The following FKBP4 variants were observed in gnomAD, a reference collection of about 807,000 sequenced individuals.
FKBP4 encodes peptidyl-prolyl cis-trans isomerase FKBP4.
Under a neutral mutation model 54.1 loss-of-function variants are expected in FKBP4, and 28 were observed. The ratio of observed to expected loss-of-function variants is 0.52; its 90% CI spans 0.38 to 0.71. The LOEUF (loss-of-function observed/expected upper bound fraction) is 0.71. Ranked by LOEUF, FKBP4 falls within the 30% of genes least tolerant of loss-of-function variation. The pLI, the probability that FKBP4 is intolerant of heterozygous loss-of-function variation, is 0.00. For synonymous variants in FKBP4, 223 were observed against 216.1 expected (o/e 1.03, Z -0.28); for missense variants, 493 against 574.4 (o/e 0.86, Z 1.45).
At chr12:2,802,561 T>A (rs991308750) in intron 9 of FKBP4, among the ~76,000 whole-genome samples, 2 of 152,216 alleles carry the variant, frequency 1.3e-5, no homozygotes, top group Admixed American at 1.3e-4. Flanking sequence ...TTAGTTGCAT[T>A]TGTGTATTTT....
chr12:2,801,157 G>A lies in FKBP4; in HGVS notation c.1073G>A (p.Arg358His), dbSNP rs2097904531. The A allele has an allele frequency of 1.9e-6, 3 of 1,613,596 alleles. No individual in the cohort carries two copies. Among genetic ancestry groups the A allele is most frequent in the Non-Finnish European group, 8.5e-7 (1 of 1,179,898 alleles). The change falls in exon 9 of 10, where the codon CGC (arginine) becomes CAC (histidine). Residue 358 changes from arginine to histidine, a missense_variant. Transcript: ENST00000001008. ...AGCAACAACGAGAAGGGCCTCTTCC[G>A]CCGGGGAGAGGCCCACCTGGCCGTG... ...LDSNNEKGLF[R>H]RGEAHLAVND...
intron 9 of FKBP4, chr12:2,801,780 G>A: frequency 2.9e-6 from 1 of 342,856 alleles, no homozygotes; most frequent in Non-Finnish European, 5.8e-6. Flanking sequence ...GATGCTTTTT[G>A]TGTGTGATTA....
rs752385363 is a variant in FKBP4, at chr12:2,800,584, C to T, written c.1032+7C>T. 6.2e-7 allele frequency: 1 copy of T among 1,601,060 alleles called. No individual in the cohort carries two copies. The highest frequency in any genetic ancestry group is 1.7e-4 in the Middle Eastern group (1 of 5,972). On this transcript the variant is annotated splice_region_variant and intron_variant, in intron 8 of 9. Transcript: ENST00000001008. ...CATTGAAAGCTGTAACAAGGTGAGG[C>T]CCCCTCAGAGGTCATGGAAGCAGCA...
chr12:2,804,524 T>C lies in FKBP4; in HGVS notation c.*1266T>C, dbSNP rs1040221463. ...GCTTTGACCCTTAACTCCTATGGCA[T>C]GATGGGGCCCTGGGAGAAGCCAGGC... On this transcript the variant is annotated 3_prime_UTR_variant, in exon 10 of 10. Transcript: ENST00000001008. 1 of 152,240 alleles carries C rather than the reference T, an allele frequency of 6.6e-6. No individual in the cohort carries two copies. Among genetic ancestry groups the C allele is most frequent in the African/African-American group, 2.4e-5 (1 of 41,458 alleles). 9.4% of individuals were successfully genotyped at this position (152,240 alleles called of 1,614,324 possible).
At chr12:2,797,337 C>G (rs1316699435) in intron 2 of FKBP4, 55 bp downstream of exon 2, 32 of 1,599,572 alleles carry the variant, frequency 2.0e-5, no homozygotes, top group Non-Finnish European at 2.6e-5. Context: ...CAAGCTGTCA[C>G]AAGCAGAAAC....
Position 2,795,346 on chromosome 12 carries a change from C to G in FKBP4, c.105+102C>G. On this transcript the variant is annotated intron_variant, in intron 1 of 9. Transcript: ENST00000001008. This position sits in a 1 kb window ranked among gnomAD's most constrained non-coding sequence, Gnocchi z 4.3. ...GCGGCCGGGCACGGGTCGAGGCGGCCGCCTTTGCAGCCTCGCGGCCGTCCC... is the reference window on the plus strand; with the variant it reads ...GCGGCCGGGCACGGGTCGAGGCGGCGGCCTTTGCAGCCTCGCGGCCGTCCC... 1 of 430,348 alleles carries G rather than the reference C, an allele frequency of 2.3e-6. No homozygotes were observed. Among genetic ancestry groups the G allele is most frequent in the Non-Finnish European group, 3.3e-6 (1 of 304,174 alleles). The allele number at this position is 430,348 out of a possible 1,614,324, so 26.7% of individuals were successfully genotyped here. A position where few individuals can be genotyped will look rare whatever the true frequency, so the allele number is the denominator to read the frequency against.
chr12:2,796,393 A>G, intron 1 of FKBP4: 2 of 1,288,780 alleles, frequency 1.6e-6, no homozygotes, highest in Non-Finnish European at 2.0e-6. Flanking sequence ...CCTTTGATCC[A>G]TCATTCCTTC....
rs147640045 is a variant in FKBP4, at chr12:2,799,092, A to C, written c.519A>C (p.Ala173=). 9.0e-5 allele frequency: 138 copies of C among 1,533,234 alleles called. No homozygotes were observed. Among genetic ancestry groups the C allele is most frequent in the Non-Finnish European group, 2.4e-5 (27 of 1,142,530 alleles). 95.0% of individuals were successfully genotyped at this position (1,533,234 alleles called of 1,614,324 possible). A position where few individuals can be genotyped will look rare whatever the true frequency, so the allele number is the denominator to read the frequency against. The change falls in exon 5 of 10, where the codon GCA becomes GCC. Residue 173 remains alanine, a synonymous_variant. Transcript: ENST00000001008. ...KPNEGAIVEV[A]LEGYYKDKLF... ...ACTGCCTCTCTTTCATGCCAGTTGC[A>C]CTGGAAGGGTACTACAAGGACAAGC...
At chr12:2,799,995 T>G (rs767761835) in intron 6 of FKBP4, 44 bp from the exon 7 acceptor site, 1 of 1,613,630 alleles carries the variant, frequency 6.2e-7, no homozygotes, top group Non-Finnish European at 8.5e-7. Context: ...TGTACGTGAC[T>G]CTGGGGTAGC....
At chr12:2,802,335 A>T (rs1056906526) in intron 9 of FKBP4, among the ~76,000 whole-genome samples, 4 of 151,932 alleles carry the variant, frequency 2.6e-5, no homozygotes, top group African/African-American at 9.7e-5. Context: ...ACGAAGTTTC[A>T]TCATGTTGAC....
chr12:2,799,146 G>A lies in FKBP4; in HGVS notation c.573G>A (p.Glu191=), dbSNP rs1410684184. 1 of 1,588,974 alleles carries A rather than the reference G, an allele frequency of 6.3e-7. No homozygotes were observed. The highest frequency in any genetic ancestry group is 8.5e-7 in the Non-Finnish European group (1 of 1,170,388). ...KLFDQRELRF[E]IGEGENLDLP... is the part of the protein sequence containing the mutation. ...TTGACCAGCGGGAGCTCCGCTTTGA[G>A]ATTGGCGAGGGGGAGAACCTGGATC... The change falls in exon 5 of 10, where the codon GAG becomes GAA. Residue 191 remains glutamate, a synonymous_variant. Coordinates refer to ENST00000001008, the MANE Select transcript of FKBP4 (RefSeq NM_002014.4).
In FKBP4 at chr12:2,800,468, A is replaced by T. The variant is rs144630885; in HGVS notation, c.923A>T (p.Asn308Ile). 3 of 1,614,056 alleles carry T rather than the reference A, an allele frequency of 1.9e-6. No individual in the cohort carries two copies. The highest frequency in any genetic ancestry group is 2.5e-6 in the Non-Finnish European group (3 of 1,180,032). ...SWLEYESSFSNEEAQKAQALR... is the reference protein window; with the variant it reads ...SWLEYESSFSIEEAQKAQALR... ...CTGGAATATGAGTCTAGTTTTTCCA[A>T]TGAGGAAGCACAGAAAGCACAGGCC... The change falls in exon 8 of 10, where the codon AAT (asparagine) becomes ATT (isoleucine). Residue 308 changes from asparagine (N) to isoleucine (I), a missense_variant. Physicochemically the swap from Asn to Ile is moderately radical, Grantham distance 149 (BLOSUM62 -3). Coordinates refer to ENST00000001008, the MANE Select transcript of FKBP4 (RefSeq NM_002014.4).
At chr12:2,799,426 G>A (rs2097903593) in intron 5 of FKBP4, among the ~76,000 whole-genome samples, 182 bp downstream of exon 5, 1 of 152,160 alleles carries the variant, frequency 6.6e-6, no homozygotes, top group Admixed American at 6.5e-5. Flanking sequence ...TTGGATCTAA[G>A]CCCAGTCTTT....
In FKBP4 at chr12:2,800,182, T is replaced by C; in HGVS notation, c.846+60T>C. 4 of 1,559,400 alleles carry C rather than the reference T, an allele frequency of 2.6e-6. No individual in the cohort carries two copies. The South Asian group carries it at 4.5e-5, about 17-fold the overall frequency. ...AGGAAGAGTTGCTCTGAGCCTCCCC[T>C]TCCCTTGGTGACTGAGATCATTTTC... On this transcript the variant is annotated intron_variant, in intron 7 of 9. Transcript: ENST00000001008.
chr12:2,803,032 C>T (rs1183878934), intron 9 of FKBP4, 119 bp from the exon 10 acceptor site: 1 of 737,014 alleles, frequency 1.4e-6, no homozygotes, highest in Non-Finnish European at 2.3e-6. Context: ...TTGGCCTATA[C>T]AGGTATAGCT....
Position 2,804,289 on chromosome 12 carries a change from C to T in FKBP4, c.*1031C>T, listed in dbSNP as rs2097906421. 6.6e-6 allele frequency: 1 copy of T among 152,222 alleles called. No individual in the cohort carries two copies. 9.4% of individuals were successfully genotyped at this position (152,222 alleles called of 1,614,324 possible). A position where few individuals can be genotyped will look rare whatever the true frequency, so the allele number is the denominator to read the frequency against. Reference sequence around the variant, plus strand: ...AGAAGACTGGGACACCATGCATGTTCATTTTGAAGTTGGAATTGGTCTTCT... The same window carrying T: ...AGAAGACTGGGACACCATGCATGTTTATTTTGAAGTTGGAATTGGTCTTCT... On this transcript the variant is annotated 3_prime_UTR_variant, in exon 10 of 10. Transcript: ENST00000001008.
In FKBP4 at chr12:2,803,460, T is replaced by A; in HGVS notation, c.*202T>A. 1 of 569,086 alleles carries A rather than the reference T, an allele frequency of 1.8e-6. No homozygotes were observed. The highest frequency in any genetic ancestry group is 2.2e-5 in the South Asian group (1 of 46,382). The allele number at this position is 569,086 out of a possible 1,614,324, so 35.3% of individuals were successfully genotyped here. A position where few individuals can be genotyped will look rare whatever the true frequency, so the allele number is the denominator to read the frequency against. On this transcript the variant is annotated 3_prime_UTR_variant, in exon 10 of 10. Transcript: ENST00000001008. ...AATCATTTTAGCTGGTGTCAGCCCC[T>A]CTTCCCTTCCTCCATTGCACATGAA...
In FKBP4 at chr12:2,795,317, G is replaced by A. The variant is rs988509222; in HGVS notation, c.105+73G>A. 16 of 817,492 alleles carry A rather than the reference G, an allele frequency of 2.0e-5. No homozygotes were observed. The highest frequency in any genetic ancestry group is 2.4e-5 in the Non-Finnish European group (15 of 637,410). 50.6% of individuals were successfully genotyped at this position (817,492 alleles called of 1,614,324 possible). A position where few individuals can be genotyped will look rare whatever the true frequency, so the allele number is the denominator to read the frequency against. ...GGGCCGCCCTTCCGCCGCGCCCGGAGCCCGCGGCCGGGCACGGGTCGAGGC... is the reference window on the plus strand; with the variant it reads ...GGGCCGCCCTTCCGCCGCGCCCGGAACCCGCGGCCGGGCACGGGTCGAGGC... On this transcript the variant is annotated intron_variant, in intron 1 of 9. Transcript: ENST00000001008. The surrounding 1 kb of genome is among the most constrained non-coding windows in gnomAD (Gnocchi z 4.3).
chr12:2,803,106 T>C, intron 9 of FKBP4, 45 bp from the exon 10 acceptor site: 5 of 1,365,466 alleles, frequency 3.7e-6, no homozygotes, highest in Non-Finnish European at 4.1e-6. Context: ...GTGTGTGTTT[T>C]TTCACTTGGG....
Sources: gnomAD v4.1 joint callset for allele counts (sites outside exome capture counted in the v4.1 genomes callset) on GRCh38, gnomAD v4.1.1 for gene constraint, Gnocchi (gnomAD v3.1) non-coding constraint, MANE v1.5 for transcripts, NCBI Gene and HGNC (gene_info 2026-07-23, HGNC 2026-07-21) for gene names.